The following VPS13A variants were observed in gnomAD, a reference collection of about 807,000 sequenced individuals.
VPS13A encodes intermembrane lipid transfer protein VPS13A.
In VPS13A, 264 loss-of-function variants were observed where a neutral mutation model predicts 390.9. The observed-to-expected ratio is 0.68, with a 90% CI of 0.61 to 0.75. The LOEUF (loss-of-function observed/expected upper bound fraction) is 0.75. VPS13A is among the 30% of genes least tolerant of loss of function. The probability of loss-of-function intolerance (pLI) is 0.00; values close to 1 mark genes in which losing one functional copy is unlikely to be tolerated. For synonymous variants in VPS13A, 1,231 were observed against 1,227.1 expected, an observed-to-expected ratio of 1.00 and a Z score of -0.07; for missense variants, 3,409 against 3,733.9, an observed-to-expected ratio of 0.91 and a Z score of 2.27.
chr9:77,234,309 T>C (rs774319892), intron 17 of VPS13A, among the ~76,000 whole-genome samples: 7 of 152,310 alleles, frequency 4.6e-5, no homozygotes, highest in Non-Finnish European at 1.0e-4. Flanking sequence ...CCTGAGTAGC[T>C]GGAATTAAAG....
In VPS13A at chr9:77,333,426, A is replaced by T. The variant is rs113062388; in HGVS notation, c.6095+1313A>T. 3.1e-3 allele frequency among the ~76,000 whole-genome samples: 339 copies of T among 107,648 alleles called. 1 individual carries two copies. Among genetic ancestry groups the T allele is most frequent in the African/African-American group, 0.01 (298 of 28,502 alleles). The allele number at this position is 107,648 out of a possible 152,430, so 70.6% of individuals were successfully genotyped here. A position where few individuals can be genotyped will look rare whatever the true frequency, so the allele number is the denominator to read the frequency against. The stretch of plus-strand genomic sequence containing the variant: ...AACCAGCTTGGATTTCTCATTAGGC[A>T]TTTTTTTTTTTTTTTTTTTTTTGAG... On this transcript the variant is annotated intron_variant, in intron 46 of 71. Transcript: ENST00000360280.
chr9:77,359,915 A>G (rs1190539525), intron 58 of VPS13A, among the ~76,000 whole-genome samples: 1 of 151,534 alleles, frequency 6.6e-6, no homozygotes, highest in African/African-American at 2.4e-5. Flanking sequence ...TTGTACTTGT[A>G]TTTGTTTTTT....
chr9:77,217,223 A>G (rs1822915033), intron 10 of VPS13A, among the ~76,000 whole-genome samples: 1 of 152,202 alleles, frequency 6.6e-6, no homozygotes, highest in African/African-American at 2.4e-5. Flanking sequence ...CAAACTAGCA[A>G]CATCATTTAG....
At chr9:77,360,345 T>C (rs941357279) in intron 58 of VPS13A, among the ~76,000 whole-genome samples, 191 bp from the exon 59 acceptor site, 8 of 152,154 alleles carry the variant, frequency 5.3e-5, no homozygotes, top group Non-Finnish European at 1.2e-4. Context: ...GGTTCCTCTT[T>C]ATGGCCATTT....
intron 23 of VPS13A, among the ~76,000 whole-genome samples, chr9:77,272,528 A>G (rs1219478116): frequency 6.6e-6 from 1 of 152,238 alleles, no homozygotes; most frequent in Admixed American, 6.5e-5. Context: ...TCAGTTAACT[A>G]TCAGTGTGGT....
intron 22 of VPS13A, 106 bp downstream of exon 22, chr9:77,252,458 A>C (rs1440645726): frequency 2.2e-6 from 2 of 916,470 alleles, no homozygotes; most frequent in African/African-American, 3.2e-5. Context: ...TGAAATGTAT[A>C]TAACTGACTC....
intron 13 of VPS13A, among the ~76,000 whole-genome samples, chr9:77,225,664 TGAA>T (rs1009275212): frequency 6.6e-6 from 1 of 152,216 alleles, no homozygotes; most frequent in African/African-American, 2.4e-5. Context: ...GTTTATAACT[TGAA>T]GAGTTTGGAA....
intron 53 of VPS13A, among the ~76,000 whole-genome samples, chr9:77,352,463 GC>G: frequency 6.6e-6 from 1 of 151,990 alleles, no homozygotes; most frequent in South Asian, 2.1e-4. Flanking sequence ...CCTATAAGTG[GC>G]CTTTCAGTTT....
chr9:77,254,230 A>G (rs926396121), intron 22 of VPS13A, among the ~76,000 whole-genome samples: 1 of 152,160 alleles, frequency 6.6e-6, no homozygotes. Flanking sequence ...GGCGTGAGCC[A>G]CTGCTCCCGG....
Position 77,344,262 on chromosome 9 carries a change from T to C in VPS13A, c.7136T>C (p.Leu2379Pro). The change falls in exon 51 of 72, where the codon CTA (leucine) becomes CCA (proline). Residue 2379 changes from leucine (L) to proline (P), a missense_variant. This residue lies in a region of VPS13A where 2,717 missense variants were observed against 2,917.4 expected (regional missense o/e 0.93). Coordinates refer to ENST00000360280, the MANE Select transcript of VPS13A (RefSeq NM_033305.3). ...IYFNKQENCI[L>P]LRLDNELGGI... ...TTTAACAAGCAGGAAAATTGTATTC[T>C]ATTGCGTCTAGATAACGAGGTAAGT... 1 of 1,613,536 alleles carries C rather than the reference T, an allele frequency of 6.2e-7. No individual in the cohort carries two copies. The highest frequency in any genetic ancestry group is 8.5e-7 in the Non-Finnish European group (1 of 1,179,714).
chr9:77,339,998 A>G, intron 48 of VPS13A, 87 bp downstream of exon 48: 1 of 1,500,884 alleles, frequency 6.7e-7, no homozygotes, highest in Non-Finnish European at 9.0e-7. Context: ...AATATTATGA[A>G]ACTTGGATAG....
intron 33 of VPS13A, 120 bp from the exon 34 acceptor site, chr9:77,302,795 A>C: frequency 9.1e-7 from 1 of 1,099,578 alleles, no homozygotes; most frequent in Non-Finnish European, 1.3e-6. Context: ...TTTTCCCTTT[A>C]TACCCAACAA....
rs1834141130 is a variant in VPS13A at position 77,396,923 on chromosome 9, A to G, written c.9190-6313A>G. The stretch of plus-strand genomic sequence containing the variant: ...ACCCTCAAATTAACCAGTCTATAAA[A>G]CCATTTGTTATCTATATATTTTCTT... On this transcript the variant is annotated intron_variant, in intron 68 of 71. Coordinates refer to ENST00000360280, the MANE Select transcript of VPS13A (RefSeq NM_033305.3). Among the ~76,000 whole-genome samples the G allele has an allele frequency of 2.0e-5, 3 of 151,990 alleles. No homozygotes were observed. The South Asian group carries it at 6.2e-4, about 31-fold the overall frequency.
At chr9:77,363,512 A>G (rs1205117124) in intron 59 of VPS13A, among the ~76,000 whole-genome samples, 1 of 148,494 alleles carries the variant, frequency 6.7e-6, no homozygotes, top group Admixed American at 6.9e-5. Context: ...GGTTTGTGCA[A>G]TTCTCGTTTT....
At chr9:77,232,343 T>G (rs1823880409) in intron 17 of VPS13A, among the ~76,000 whole-genome samples, 1 of 152,196 alleles carries the variant, frequency 6.6e-6, no homozygotes, top group Non-Finnish European at 1.5e-5. Flanking sequence ...GTATGTAGAT[T>G]GCTTTTGGTA....
At chr9:77,181,408 C>A (rs928736003) in intron 1 of VPS13A, among the ~76,000 whole-genome samples, 1 of 150,314 alleles carries the variant, frequency 6.7e-6, no homozygotes, top group African/African-American at 2.4e-5. Flanking sequence ...CCCAGCTACT[C>A]AGGAGACTGA....
At chr9:77,287,582 A>G (rs1770274859) in intron 31 of VPS13A, among the ~76,000 whole-genome samples, 1 of 152,178 alleles carries the variant, frequency 6.6e-6, no homozygotes, top group Non-Finnish European at 1.5e-5. Flanking sequence ...ATAAAACAAT[A>G]TTAGAGAGTG....
intron 33 of VPS13A, among the ~76,000 whole-genome samples, chr9:77,300,049 A>C (rs528568733): frequency 6.6e-6 from 1 of 152,198 alleles, no homozygotes; most frequent in Non-Finnish European, 1.5e-5. Flanking sequence ...CAATGTAACA[A>C]ACCTGCACAT....
chr9:77,404,990 CTT>C (rs796595000), intron 69 of VPS13A, among the ~76,000 whole-genome samples: 1 of 146,692 alleles, frequency 6.8e-6, no homozygotes, highest in Non-Finnish European at 1.5e-5. Context: ...GGAGTCAGAC[CTT>C]TTTTTTTTTA....
Sources: allele counts gnomAD v4.1 joint callset (sites outside exome capture counted in the v4.1 genomes callset), GRCh38; gene constraint gnomAD v4.1.1; regional missense constraint gnomAD v4.1.1; transcripts MANE v1.5; gene names NCBI Gene and HGNC (gene_info 2026-07-23, HGNC 2026-07-21).